The following KCNK13 variants were observed in gnomAD, a reference collection of about 807,000 sequenced individuals.
KCNK13 encodes potassium two pore domain channel subfamily K member 13.
Under a neutral mutation model 23.4 loss-of-function variants are expected in KCNK13, and 12 were observed. The ratio of observed to expected loss-of-function variants is 0.51; its 90% confidence interval spans 0.33 to 0.83. KCNK13 has a LOEUF of 0.83. KCNK13 is among the 40% of genes least tolerant of loss of function. The pLI, the probability that KCNK13 is intolerant of heterozygous loss-of-function variation, is 0.02. For synonymous variants in KCNK13, 231 were observed against 229.5 expected (o/e 1.01, Z -0.06); for missense variants, 463 against 556.3 (o/e 0.83, Z 1.69).
rs71117323 is a variant in KCNK13, at chr14:90,144,495, C to CTTTTTTTT, written c.335-39606_335-39599dup. 1.2e-3 allele frequency among the ~76,000 whole-genome samples: 144 copies of CTTTTTTTT among 119,202 alleles called. 2 individuals are homozygous for CTTTTTTTT. The highest frequency in any genetic ancestry group is 5.9e-3 in the Middle Eastern group (1 of 170). 78.2% of individuals were successfully genotyped at this position (119,202 alleles called of 152,430 possible). On this transcript the variant is annotated intron_variant, in intron 1 of 1. Transcript: ENST00000282146. ...GAGAATGAAGGCTGTTTTACTTTCT[C>CTTTTTTTT]TTTTTTTTTTTTTTTTTGTGAGATA...
chr14:90,127,943 A>G (rs1415181685), intron 1 of KCNK13, among the ~76,000 whole-genome samples: 1 of 152,168 alleles, frequency 6.6e-6, no homozygotes. Context: ...TGTAGAAAAC[A>G]GATGGAGCTT....
At chr14:90,114,728 C>T (rs905653904) in intron 1 of KCNK13, among the ~76,000 whole-genome samples, 3 of 152,176 alleles carry the variant, frequency 2.0e-5, no homozygotes, top group Non-Finnish European at 2.9e-5. Context: ...AGGAGGTGTA[C>T]GCTCCTGATT....
chr14:90,166,432 G>A lies in KCNK13; in HGVS notation c.335-17679G>A, dbSNP rs541952209. 3.3e-5 allele frequency among the ~76,000 whole-genome samples: 5 copies of A among 152,170 alleles called. No homozygotes were observed. The South Asian group carries it at 6.2e-4, about 19-fold the overall frequency. ...AGAAATTTTCTTTGGGTTGCCGGGC[G>A]CAGTGGCTCACGCCTATAATCCCAG... On this transcript the variant is annotated intron_variant, in intron 1 of 1. Coordinates refer to ENST00000282146, the MANE Select transcript of KCNK13 (RefSeq NM_022054.4).
chr14:90,064,754 G>T (rs116068860), intron 1 of KCNK13, among the ~76,000 whole-genome samples: 208 of 152,342 alleles, frequency 1.4e-3, no homozygotes, highest in African/African-American at 4.8e-3. Context: ...TAAAAAACAT[G>T]ATGTCAGTGT....
At chr14:90,144,107 A>G (rs1327289707) in intron 1 of KCNK13, among the ~76,000 whole-genome samples, 1 of 152,202 alleles carries the variant, frequency 6.6e-6, no homozygotes, top group Non-Finnish European at 1.5e-5. Context: ...ATGCTGCTGG[A>G]ATTTTGATTA....
At chr14:90,085,858 A>T (rs1028283544) in intron 1 of KCNK13, among the ~76,000 whole-genome samples, 7 of 142,552 alleles carry the variant, frequency 4.9e-5, no homozygotes, top group African/African-American at 1.8e-4. Flanking sequence ...ATAAATATAT[A>T]ATATATAAAT....
chr14:90,082,701 T>C (rs1889227712), intron 1 of KCNK13, among the ~76,000 whole-genome samples: 1 of 152,258 alleles, frequency 6.6e-6, no homozygotes, highest in Admixed American at 6.5e-5. Flanking sequence ...TGTTTCCACT[T>C]TTTAGCTACT....
chr14:90,127,358 G>A (rs1411213454), intron 1 of KCNK13, among the ~76,000 whole-genome samples: 1 of 151,862 alleles, frequency 6.6e-6, no homozygotes, highest in East Asian at 1.9e-4. Flanking sequence ...AATGAAACCT[G>A]TGTGTATGGA....
chr14:90,121,651 C>T (rs1403058547), intron 1 of KCNK13, among the ~76,000 whole-genome samples: 2 of 152,184 alleles, frequency 1.3e-5, no homozygotes, highest in East Asian at 1.9e-4. Context: ...TCACTCATCG[C>T]CCACTGTTAA....
intron 1 of KCNK13, among the ~76,000 whole-genome samples, chr14:90,134,999 C>G (rs190423258): frequency 6.8e-4 from 103 of 152,252 alleles, no homozygotes; most frequent in African/African-American, 2.3e-3. Context: ...GAGTTTTTAC[C>G]CCGCTTCCAA....
At chr14:90,180,393 G>A (rs1890471576) in intron 1 of KCNK13, among the ~76,000 whole-genome samples, 1 of 152,048 alleles carries the variant, frequency 6.6e-6, no homozygotes, top group African/African-American at 2.4e-5. Flanking sequence ...AAAAGGGGAG[G>A]GTTTCTATGG....
At chr14:90,112,338 C>T (rs905838067) in intron 1 of KCNK13, among the ~76,000 whole-genome samples, 2 of 152,182 alleles carry the variant, frequency 1.3e-5, no homozygotes, top group African/African-American at 4.8e-5. Context: ...TCTTGCTCTG[C>T]TGGTTCATGT....
chr14:90,153,313 T>A (rs1309086753), intron 1 of KCNK13, among the ~76,000 whole-genome samples: 1 of 152,240 alleles, frequency 6.6e-6, no homozygotes, highest in Admixed American at 6.5e-5. Flanking sequence ...GTTCTCATAC[T>A]GGCTCTGCTT....
chr14:90,131,022 A>G (rs557632972), intron 1 of KCNK13, among the ~76,000 whole-genome samples: 2 of 152,116 alleles, frequency 1.3e-5, no homozygotes, highest in Non-Finnish European at 2.9e-5. Flanking sequence ...CAGCTTCCTC[A>G]TCTATGAATT....
chr14:90,161,172 T>C (rs1166296894), intron 1 of KCNK13, among the ~76,000 whole-genome samples: 3 of 152,130 alleles, frequency 2.0e-5, no homozygotes, highest in Admixed American at 6.5e-5. Flanking sequence ...GACAACATCA[T>C]GCTAAATGGA....
intron 1 of KCNK13, among the ~76,000 whole-genome samples, chr14:90,085,287 G>C (rs1889258550): frequency 6.6e-6 from 1 of 152,014 alleles, no homozygotes; most frequent in Admixed American, 6.6e-5. Flanking sequence ...AGTCCTACTT[G>C]ATTATGGTGT....
intron 1 of KCNK13, among the ~76,000 whole-genome samples, chr14:90,170,729 T>G (rs1323259846): frequency 6.6e-6 from 1 of 152,160 alleles, no homozygotes; most frequent in African/African-American, 2.4e-5. Flanking sequence ...TTACATAAGA[T>G]GACGTAAACA....
chr14:90,093,035 GAC>G (rs1889368223), intron 1 of KCNK13, among the ~76,000 whole-genome samples: 1 of 151,990 alleles, frequency 6.6e-6, no homozygotes, highest in South Asian at 2.1e-4. Flanking sequence ...GTATGGGGTG[GAC>G]ACTCCAAATA....
intron 1 of KCNK13, among the ~76,000 whole-genome samples, chr14:90,181,807 C>T (rs1326645427): frequency 6.6e-6 from 1 of 152,158 alleles, no homozygotes; most frequent in East Asian, 1.9e-4. Flanking sequence ...GTTTCTGAAC[C>T]TTCCCTATTT....
Sources: allele counts gnomAD v4.1 joint callset (sites outside exome capture counted in the v4.1 genomes callset), GRCh38; gene constraint gnomAD v4.1.1; transcripts MANE v1.5; gene names NCBI Gene and HGNC (gene_info 2026-07-23, HGNC 2026-07-21).